The following KCNK9 variants were observed in gnomAD, a reference collection of about 807,000 sequenced individuals.
KCNK9 encodes potassium channel subfamily K member 9.
A neutral mutation model predicts 10.8 loss-of-function variants in KCNK9; 1 was observed. The ratio of observed to expected loss-of-function variants is 0.09; its 90% confidence interval spans 0.03 to 0.44. The LOEUF (loss-of-function observed/expected upper bound fraction) is 0.44. Among genes scored for constraint, KCNK9 ranks in the 20% least tolerant of loss-of-function variants. The probability of loss-of-function intolerance (pLI) is 0.97; values close to 1 mark genes in which losing one functional copy is unlikely to be tolerated. For missense variants in KCNK9, 303 were observed against 515.0 expected, an observed-to-expected ratio of 0.59 and a Z score of 3.98; for synonymous variants, 231 against 222.7, an observed-to-expected ratio of 1.04 and a Z score of -0.33.
At chr8:139,644,722 C>CCG (rs1554622192) in intron 1 of KCNK9, among the ~76,000 whole-genome samples, 5 of 144,728 alleles carry the variant, frequency 3.5e-5, no homozygotes, top group Admixed American at 2.1e-4. Flanking sequence ...CTGTCCCCCC[C>CCG]CCCCAGAGCC....
chr8:139,659,540 C>T (rs1466527649), intron 1 of KCNK9, among the ~76,000 whole-genome samples: 1 of 152,316 alleles, frequency 6.6e-6, no homozygotes, highest in Middle Eastern at 3.4e-3. Context: ...GAGACGGAGT[C>T]TCGCTCTGTC....
chr8:139,694,932 C>T (rs1024449262), intron 1 of KCNK9, among the ~76,000 whole-genome samples: 2 of 152,218 alleles, frequency 1.3e-5, no homozygotes, highest in African/African-American at 4.8e-5. Context: ...CTGAGGCCAG[C>T]AAACTGTGAG....
Position 139,697,869 on chromosome 8 carries a change from C to T in KCNK9, c.283+4841G>A, listed in dbSNP as rs766503929. Among the ~76,000 whole-genome samples, 7 of 152,246 alleles carry T rather than the reference C, an allele frequency of 4.6e-5. No homozygotes were observed. The East Asian group carries it at 1.2e-3, about 25-fold the overall frequency. On this transcript the variant is annotated intron_variant, in intron 1 of 1. Coordinates refer to ENST00000520439, the MANE Select transcript of KCNK9 (RefSeq NM_001282534.2). ...GCTTCCTAGAGGGCCCAGAGCAGAGCGAGCCCAGGTCCGAGAAGGGTGTGG... is the reference window on the plus strand; with the variant it reads ...GCTTCCTAGAGGGCCCAGAGCAGAGTGAGCCCAGGTCCGAGAAGGGTGTGG...
At chr8:139,607,031 C>T (rs1006124363) in intron 2 of KCNK9, among the ~76,000 whole-genome samples, 1 of 152,132 alleles carries the variant, frequency 6.6e-6, no homozygotes, top group Non-Finnish European at 1.5e-5. Context: ...GCTGAACAAA[C>T]AAATATATAA....
rs932313243 is a variant in KCNK9 at position 139,617,752 on chromosome 8, C to T, written c.*506G>A. ...ATACCTAATACTTCCCGTTTTGTCA[C>T]GACACACGTGCACACAGAAGCACAC... On this transcript the variant is annotated 3_prime_UTR_variant, in exon 2 of 2. Transcript: ENST00000520439. Among the ~76,000 whole-genome samples the T allele has an allele frequency of 8.5e-5, 13 of 152,126 alleles. No homozygotes were observed. Among genetic ancestry groups the T allele is most frequent in the Admixed American group, 2.0e-4 (3 of 15,272 alleles).
At chr8:139,700,773 T>C (rs1238325873) in intron 1 of KCNK9, among the ~76,000 whole-genome samples, 1 of 152,190 alleles carries the variant, frequency 6.6e-6, no homozygotes, top group Non-Finnish European at 1.5e-5. Flanking sequence ...CACCCAGAGC[T>C]ACCAATCAGA....
At chr8:139,659,246 G>T (rs1816092576) in intron 1 of KCNK9, among the ~76,000 whole-genome samples, 1 of 152,178 alleles carries the variant, frequency 6.6e-6, no homozygotes, top group African/African-American at 2.4e-5. Flanking sequence ...GCTCCAGGCT[G>T]GAGTCCTGAC....
chr8:139,611,932 G>A (rs755957926), downstream of KCNK9: 1 of 152,212 alleles, frequency 6.6e-6, no homozygotes, highest in Admixed American at 6.5e-5. Context: ...TTATTCTCGC[G>A]ATGGTCCTTC....
chr8:139,639,192 A>G (rs563340538), intron 1 of KCNK9, among the ~76,000 whole-genome samples: 145 of 152,182 alleles, frequency 9.5e-4, no homozygotes, highest in Non-Finnish European at 1.9e-3. Flanking sequence ...CTCATCCATA[A>G]AGCATCAGCT....
intron 1 of KCNK9, among the ~76,000 whole-genome samples, chr8:139,644,496 G>C (rs990203221): frequency 6.6e-6 from 1 of 152,202 alleles, no homozygotes; most frequent in Non-Finnish European, 1.5e-5. Flanking sequence ...GTGGTTCAGG[G>C]TGGGCTCCCG....
intron 1 of KCNK9, among the ~76,000 whole-genome samples, chr8:139,637,765 A>G (rs1402484051): frequency 6.7e-6 from 1 of 149,790 alleles, no homozygotes; most frequent in Non-Finnish European, 1.5e-5. Flanking sequence ...TACTCTACAC[A>G]CACACACACA....
intron 1 of KCNK9, among the ~76,000 whole-genome samples, chr8:139,682,000 C>A (rs945274986): frequency 6.6e-6 from 1 of 152,150 alleles, no homozygotes; most frequent in African/African-American, 2.4e-5. Context: ...CCAGGCCCTG[C>A]AGGTACCCTG....
intron 1 of KCNK9, among the ~76,000 whole-genome samples, chr8:139,640,427 G>A (rs1311590809): frequency 2.6e-5 from 4 of 152,154 alleles, no homozygotes; most frequent in East Asian, 1.9e-4. Context: ...CACAGCCTGC[G>A]ACACCCCACA....
chr8:139,655,928 G>A (rs1056830860), intron 1 of KCNK9, among the ~76,000 whole-genome samples: 1 of 152,212 alleles, frequency 6.6e-6, no homozygotes, highest in African/African-American at 2.4e-5. Flanking sequence ...CCAAGCCTCA[G>A]CTTCCTCCTC....
At chr8:139,606,262 A>G (rs1192705284) in intron 2 of KCNK9, among the ~76,000 whole-genome samples, 1 of 152,112 alleles carries the variant, frequency 6.6e-6, no homozygotes, top group Non-Finnish European at 1.5e-5. Flanking sequence ...CCTGATTTCC[A>G]TCACCCTCCC....
chr8:139,674,033 AG>A (rs1816494548), intron 1 of KCNK9, among the ~76,000 whole-genome samples: 1 of 152,178 alleles, frequency 6.6e-6, no homozygotes, highest in South Asian at 2.1e-4. Context: ...GCAGTGTGCC[AG>A]GGCGACAGGA....
intron 1 of KCNK9, among the ~76,000 whole-genome samples, chr8:139,637,070 A>G (rs2129639446): frequency 6.6e-6 from 1 of 152,396 alleles, no homozygotes; most frequent in South Asian, 2.1e-4. Flanking sequence ...GGAGATTCAA[A>G]GGAGGCTTTG....
chr8:139,644,725 C>G (rs60827791), intron 1 of KCNK9, among the ~76,000 whole-genome samples: 73 of 148,910 alleles, frequency 4.9e-4, no homozygotes, highest in African/African-American at 1.7e-3. Context: ...TCCCCCCCCC[C>G]CAGAGCCTCC....
chr8:139,686,290 G>T (rs1816785455), intron 1 of KCNK9, among the ~76,000 whole-genome samples: 1 of 152,182 alleles, frequency 6.6e-6, no homozygotes, highest in African/African-American at 2.4e-5. Flanking sequence ...AAGAGCTTCT[G>T]CACAGTAAAA....
Sources: allele counts gnomAD v4.1 joint callset (sites outside exome capture counted in the v4.1 genomes callset), GRCh38; gene constraint gnomAD v4.1.1; transcripts MANE v1.5; gene names NCBI Gene and HGNC (gene_info 2026-07-23, HGNC 2026-07-21).